ARHGAP6: variants seen among roughly 807,000 people sequenced by gnomAD.
ARHGAP6 encodes the protein Rho GTPase activating protein 6.
Under a neutral mutation model 55.7 loss-of-function variants are expected in ARHGAP6, and 16 were observed. The observed-to-expected ratio is 0.29, with a 90% CI of 0.19 to 0.44. The LOEUF (loss-of-function observed/expected upper bound fraction) is 0.44, where lower values mean the gene tolerates loss of function less well. Ranked by LOEUF, ARHGAP6 falls within the 20% of genes least tolerant of loss-of-function variation. The probability of loss-of-function intolerance (pLI) is 1.00; values close to 1 mark genes in which losing one functional copy is unlikely to be tolerated. For missense variants in ARHGAP6, 698 were observed against 808.9 expected (o/e 0.86, Z 1.66); for synonymous variants, 382 against 360.9 (o/e 1.06, Z -0.66).
intron 1 of ARHGAP6, among the ~76,000 whole-genome samples, chrX:11,454,162 G>A (rs1183561479): frequency 2.2e-5 from 2 of 91,682 alleles, no homozygotes; most frequent in Non-Finnish European, 4.2e-5. Flanking sequence ...GGGTTTCACC[G>A]TGTTAGCCGG....
intron 2 of ARHGAP6, among the ~76,000 whole-genome samples, chrX:11,202,236 T>A (rs2147371770): frequency 9.0e-6 from 1 of 110,837 alleles, no homozygotes; most frequent in South Asian, 3.8e-4. Flanking sequence ...AACTTCTTCA[T>A]TTGAAGGAGC....
At chrX:11,608,687 C>G (rs776036020) in intron 1 of ARHGAP6, among the ~76,000 whole-genome samples, 1 of 111,551 alleles carries the variant, frequency 9.0e-6, no homozygotes, top group Admixed American at 9.5e-5. Context: ...TAATTTGAAT[C>G]ATGGGGGCGG....
At chrX:11,587,595 C>A (rs2051750768) in intron 1 of ARHGAP6, among the ~76,000 whole-genome samples, 1 of 111,837 alleles carries the variant, frequency 8.9e-6, no homozygotes, top group South Asian at 3.8e-4. Context: ...TGGTATAGTT[C>A]TGAGCCATTG....
chrX:11,518,100 C>T (rs1414926720), intron 1 of ARHGAP6, among the ~76,000 whole-genome samples: 1 of 111,534 alleles, frequency 9.0e-6, no homozygotes, highest in Admixed American at 9.6e-5. Context: ...CGCACTCATC[C>T]ACAACCAAAA....
chrX:11,609,305 A>G (rs777810384), intron 1 of ARHGAP6, among the ~76,000 whole-genome samples: 2 of 111,983 alleles, frequency 1.8e-5, no homozygotes, highest in East Asian at 5.6e-4. Context: ...CAAAAAGTAC[A>G]TAGATGAATA....
rs369205181 is a variant in ARHGAP6, at chrX:11,493,101, A to AT, written c.588+171139dup. Reference sequence around the variant, plus strand: ...ACGATGCAGAGAAAAAACAAATCTCATTTTTTTTAAGCCACTGAATCACGG... The same window carrying AT: ...ACGATGCAGAGAAAAAACAAATCTCATTTTTTTTTAAGCCACTGAATCACGG... On this transcript the variant is annotated intron_variant, in intron 1 of 12. Coordinates refer to ENST00000337414, the MANE Select transcript of ARHGAP6 (RefSeq NM_013427.3). 6.1e-4 allele frequency among the ~76,000 whole-genome samples: 68 copies of AT among 111,586 alleles called. No individual in the cohort carries two copies. In the South Asian group the frequency reaches 0.025, roughly 41 times the overall value.
At chrX:11,335,753 A>C (rs1052817572) in intron 1 of ARHGAP6, 2 of 313,737 alleles carry the variant, frequency 6.4e-6, no homozygotes, top group Non-Finnish European at 6.1e-6. Flanking sequence ...TTCCCTCTTA[A>C]AGGCTTTGGT....
chrX:11,466,734 C>G (rs1242532965), intron 1 of ARHGAP6, among the ~76,000 whole-genome samples: 1 of 111,264 alleles, frequency 9.0e-6, no homozygotes, highest in African/African-American at 3.3e-5. Flanking sequence ...GAATCCCTGG[C>G]CTCAAGCAAT....
chrX:11,420,040 T>G (rs1297922955), intron 1 of ARHGAP6, among the ~76,000 whole-genome samples: 1 of 112,436 alleles, frequency 8.9e-6, no homozygotes, highest in African/African-American at 3.2e-5. Context: ...GGTTTTCATT[T>G]GAAAGAGTCA....
intron 1 of ARHGAP6, among the ~76,000 whole-genome samples, chrX:11,443,349 G>A (rs919957623): frequency 1.8e-5 from 2 of 112,264 alleles, no homozygotes; most frequent in African/African-American, 3.2e-5. Context: ...TAGTGCCAAC[G>A]TGAACATTCT....
intron 1 of ARHGAP6, among the ~76,000 whole-genome samples, chrX:11,390,949 A>C (rs1477814018): frequency 5.3e-4 from 59 of 111,913 alleles, no homozygotes; most frequent in Non-Finnish European, 7.5e-4. Flanking sequence ...TTTGACCCAG[A>C]CATCGCATTA....
chrX:11,297,382 T>A (rs781076503), intron 1 of ARHGAP6, among the ~76,000 whole-genome samples: 3 of 112,131 alleles, frequency 2.7e-5, no homozygotes, highest in Non-Finnish European at 5.6e-5. Context: ...AATCATTTCC[T>A]CTTTCTGGAA....
At chrX:11,591,681 C>T (rs2051836783) in intron 1 of ARHGAP6, among the ~76,000 whole-genome samples, 1 of 111,418 alleles carries the variant, frequency 9.0e-6, no homozygotes, top group African/African-American at 3.3e-5. Context: ...TTGGCGGTTG[C>T]CAGGGGCTAG....
At chrX:11,444,882 C>T (rs2050077176) in intron 1 of ARHGAP6, among the ~76,000 whole-genome samples, 1 of 111,931 alleles carries the variant, frequency 8.9e-6, no homozygotes, top group Non-Finnish European at 1.9e-5. Context: ...AATCTTTTTT[C>T]CCCTATCTTT....
chrX:11,665,322 C>T lies in ARHGAP6; in HGVS notation c.-494G>A, dbSNP rs1281699529. The T allele has an allele frequency of 8.8e-6, 1 of 113,767 alleles. No homozygotes were observed. The highest frequency in any genetic ancestry group is 1.9e-5 in the Non-Finnish European group (1 of 53,835). The allele number at this position is 113,767 out of a possible 1,213,427, so 9.4% of individuals were successfully genotyped here. A position where few individuals can be genotyped will look rare whatever the true frequency, so the allele number is the denominator to read the frequency against. ...GCTGCCTGGGCGTGCGCCCAGGGCG[C>T]GTCCACCGCGCTCCCGGCGCCGCGA... On this transcript the variant is annotated 5_prime_UTR_variant, in exon 1 of 13. Coordinates refer to ENST00000337414, the MANE Select transcript of ARHGAP6 (RefSeq NM_013427.3).
intron 1 of ARHGAP6, among the ~76,000 whole-genome samples, chrX:11,636,525 G>A (rs1445544457): frequency 9.0e-6 from 1 of 110,844 alleles, no homozygotes; most frequent in Non-Finnish European, 1.9e-5. Flanking sequence ...AAAGCTTCCC[G>A]GTAACAAGCC....
chrX:11,427,465 C>T lies in ARHGAP6; in HGVS notation c.589-172758G>A, dbSNP rs777258199. ...TCAGCCGTGGACCTGTGGGGAGCCC[C>T]GACTACCATCGCCCCTCGCAGTCCC... On this transcript the variant is annotated intron_variant, in intron 1 of 12. Transcript: ENST00000337414. The T allele has an allele frequency of 2.0e-3, 1,824 of 902,445 alleles. 3 individuals carry two copies. Among genetic ancestry groups the T allele is most frequent in the Middle Eastern group, 0.011 (28 of 2,475 alleles). The allele number at this position is 902,445 out of a possible 1,213,427, so 74.4% of individuals were successfully genotyped here. A position where few individuals can be genotyped will look rare whatever the true frequency, so the allele number is the denominator to read the frequency against.
intron 1 of ARHGAP6, among the ~76,000 whole-genome samples, chrX:11,386,777 G>C (rs760797122): frequency 4.5e-5 from 5 of 112,131 alleles, no homozygotes; most frequent in African/African-American, 3.2e-5. Context: ...ACAAAGAAAA[G>C]AAAGAAAATT....
chrX:11,303,837 T>A (rs193226745), intron 1 of ARHGAP6, among the ~76,000 whole-genome samples: 4 of 111,354 alleles, frequency 3.6e-5, no homozygotes, highest in Non-Finnish European at 7.5e-5. Context: ...ACTTGGACAA[T>A]TTTTTTGGCC....
Sources: allele counts gnomAD v4.1 joint callset (sites outside exome capture counted in the v4.1 genomes callset), GRCh38; gene constraint gnomAD v4.1.1; transcripts MANE v1.5; gene names NCBI Gene and HGNC (gene_info 2026-07-23, HGNC 2026-07-21).